The following CLPTM1L variants were observed in gnomAD, a reference collection of about 807,000 sequenced individuals.
CLPTM1L encodes CLPTM1 like, also known as lipid scramblase CLPTM1L.
CLPTM1L carries 38 observed loss-of-function variants against 70.9 expected under a neutral mutation model. The ratio of observed to expected loss-of-function variants is 0.54; its 90% CI spans 0.41 to 0.70. The LOEUF (loss-of-function observed/expected upper bound fraction) is 0.70. CLPTM1L is among the 30% of genes least tolerant of loss of function. The pLI, the probability that CLPTM1L is intolerant of heterozygous loss-of-function variation, is 0.00. For missense variants in CLPTM1L, 652 were observed against 705.9 expected, an observed-to-expected ratio of 0.92 and a Z score of 0.87; for synonymous variants, 339 against 299.9, an observed-to-expected ratio of 1.13 and a Z score of -1.35.
chr5:1,334,747 C>G (rs989204881), intron 6 of CLPTM1L, among the ~76,000 whole-genome samples: 2 of 148,596 alleles, frequency 1.3e-5, no homozygotes, highest in Non-Finnish European at 3.0e-5. Flanking sequence ...GAGCGAGACT[C>G]TGTCTCAAAA....
At chr5:1,321,256 G>A (rs1249825054) in intron 15 of CLPTM1L, among the ~76,000 whole-genome samples, 1 of 152,284 alleles carries the variant, frequency 6.6e-6, no homozygotes, top group East Asian at 1.9e-4. Context: ...AGCTCTGCCA[G>A]CGGGGAATGG....
chr5:1,320,515 T>C (rs1752086362), intron 16 of CLPTM1L, 101 bp downstream of exon 16: 3 of 593,356 alleles, frequency 5.1e-6, no homozygotes, highest in South Asian at 3.1e-5. Context: ...TTCCCTCAAA[T>C]GGATAAACAG....
intron 3 of CLPTM1L, among the ~76,000 whole-genome samples, chr5:1,340,431 C>T (rs578107414): frequency 2.5e-4 from 38 of 152,312 alleles, no homozygotes; most frequent in African/African-American, 8.9e-4. Flanking sequence ...GAAGCACTAT[C>T]GCCTCACCCA....
At chr5:1,324,295 T>C (rs1160439622) in intron 11 of CLPTM1L, among the ~76,000 whole-genome samples, 1 of 152,186 alleles carries the variant, frequency 6.6e-6, no homozygotes, top group Non-Finnish European at 1.5e-5. Flanking sequence ...CAAACTAAAA[T>C]CATCTGTGCA....
chr5:1,322,723 G>A lies in CLPTM1L; in HGVS notation c.1315+154C>T, dbSNP rs1030842459. On this transcript the variant is annotated intron_variant, in intron 13 of 16. Transcript: ENST00000320895. Reference sequence around the variant, plus strand: ...GCTTTATCTGCTCACAGCCTGGGGGGAGCCCTGGGCACCGCACATGTGCCA... The same window carrying A: ...GCTTTATCTGCTCACAGCCTGGGGGAAGCCCTGGGCACCGCACATGTGCCA... 2.0e-4 allele frequency: 155 copies of A among 760,208 alleles called. No individual in the cohort carries two copies. The Middle Eastern group carries it at 3.8e-3, about 18-fold the overall frequency. The allele number at this position is 760,208 out of a possible 1,614,324, so 47.1% of individuals were successfully genotyped here.
intron 10 of CLPTM1L, chr5:1,325,333 G>A (rs1429027929): frequency 3.9e-6 from 1 of 254,636 alleles, no homozygotes; most frequent in Non-Finnish European, 7.5e-6. Context: ...CTGCCTAGGG[G>A]CCTTATGGGC....
chr5:1,327,556 G>A (rs567376588), intron 9 of CLPTM1L, among the ~76,000 whole-genome samples: 8 of 147,324 alleles, frequency 5.4e-5, no homozygotes, highest in African/African-American at 2.0e-4. Context: ...ATTCCATCCA[G>A]CTCCTGCTCT....
At chr5:1,334,206 C>G in intron 7 of CLPTM1L, 83 bp downstream of exon 7, 2 of 983,526 alleles carry the variant, frequency 2.0e-6, no homozygotes, top group South Asian at 1.4e-5. Flanking sequence ...CCCACAAACC[C>G]CAGGTCCAGG....
intron 7 of CLPTM1L, 90 bp from the exon 8 acceptor site, chr5:1,331,973 G>C: frequency 1.9e-6 from 2 of 1,030,768 alleles, no homozygotes; most frequent in Non-Finnish European, 3.0e-6. Context: ...GTGACCGTGA[G>C]ACTGCAGGTG....
chr5:1,327,656 A>C (rs71595021), intron 9 of CLPTM1L, among the ~76,000 whole-genome samples: 2 of 148,618 alleles, frequency 1.3e-5, no homozygotes, highest in African/African-American at 2.5e-5. Flanking sequence ...CCTCCTCTAC[A>C]GACACATTTC....
At chr5:1,333,426 G>A (rs1753288873) in intron 7 of CLPTM1L, among the ~76,000 whole-genome samples, 2 of 131,218 alleles carry the variant, frequency 1.5e-5, no homozygotes, top group Admixed American at 9.0e-5. Context: ...CACGGGATGA[G>A]GATAAGGGGG....
chr5:1,330,676 C>T (rs911244099), intron 8 of CLPTM1L: 3 of 429,922 alleles, frequency 7.0e-6, no homozygotes, highest in Non-Finnish European at 1.3e-5. Flanking sequence ...GATGACGGGG[C>T]CAGCACAGCT....
rs1310441726 is a variant in CLPTM1L, at chr5:1,335,157, G to T, written c.696C>A (p.Thr232=). ...VKDLMVINRS[T]TELPLTVSYD... ...AGGACACGGTGAGGGGCAGCTCGGT[G>T]GTGGAGCGGTTTATGACCTGATGAA... Residue 232 remains threonine (T), a synonymous_variant, in exon 6 of 17, where the codon ACC becomes ACA. Coordinates refer to ENST00000320895, the MANE Select transcript of CLPTM1L (RefSeq NM_030782.5). The T allele has an allele frequency of 3.1e-6, 5 of 1,613,508 alleles. No individual in the cohort carries two copies. The highest frequency in any genetic ancestry group is 3.3e-5 in the Admixed American group (2 of 60,016).
At chr5:1,343,825 T>C (rs1027303209) in intron 2 of CLPTM1L, among the ~76,000 whole-genome samples, 4 of 152,248 alleles carry the variant, frequency 2.6e-5, no homozygotes, top group African/African-American at 9.6e-5. Context: ...TTTAAAAGTA[T>C]ACTTATTCAA....
intron 5 of CLPTM1L, among the ~76,000 whole-genome samples, chr5:1,336,415 C>T (rs544194354): frequency 7.9e-5 from 12 of 152,370 alleles, no homozygotes; most frequent in Non-Finnish European, 1.6e-4. Context: ...GGCACAGCTG[C>T]GCCGCAAAGC....
At chr5:1,335,223 C>T in intron 5 of CLPTM1L, 49 bp from the exon 6 acceptor site, 1 of 1,500,682 alleles carries the variant, frequency 6.7e-7, no homozygotes, top group Non-Finnish European at 9.2e-7. Flanking sequence ...CCCTTGCACC[C>T]AGCTGCCTGG....
At position 1,324,781 on chromosome 5, in the gene CLPTM1L, G is replaced by C. The variant is rs776842767; in HGVS notation, c.1179C>G (p.Thr393=). Residue 393 remains threonine, a synonymous_variant, in exon 11 of 17, where the codon ACC becomes ACG. Coordinates refer to ENST00000320895, the MANE Select transcript of CLPTM1L (RefSeq NM_030782.5). ...FGTYSESERK[T]EEYDTQAMKY... ...GACTTACCTGAGTATCGTACTCCTCGGTTTTCCTCTCAGATTCGCTGTAAG... is the reference window on the plus strand; with the variant it reads ...GACTTACCTGAGTATCGTACTCCTCCGTTTTCCTCTCAGATTCGCTGTAAG... The C allele has an allele frequency of 6.2e-7, 1 of 1,614,050 alleles. No individual in the cohort carries two copies. The highest frequency in any genetic ancestry group is 8.5e-7 in the Non-Finnish European group (1 of 1,179,948).
rs753381563 is a variant in CLPTM1L at position 1,338,875 on chromosome 5, T to C, written c.584A>G (p.His195Arg). 1.2e-6 allele frequency: 2 copies of C among 1,613,164 alleles called. No individual in the cohort carries two copies. Residue 195 changes from histidine to arginine, a missense_variant, in exon 4 of 17, where the codon CAT becomes CGT. By Grantham distance (29) the His-to-Arg change is conservative. Transcript: ENST00000320895. Reference protein sequence around the residue: ...FDGSSLPADVHRYMKMIQLGK... With the variant: ...FDGSSLPADVRRYMKMIQLGK... Reference sequence around the variant, plus strand: ...CCCCACTTACATCTTCATGTACCGATGCACATCGGCAGGCAGGGAGGACCC... The same window carrying C: ...CCCCACTTACATCTTCATGTACCGACGCACATCGGCAGGCAGGGAGGACCC...
chr5:1,319,484 G>A (rs184393672), intron 16 of CLPTM1L, among the ~76,000 whole-genome samples: 1 of 152,360 alleles, frequency 6.6e-6, no homozygotes, highest in East Asian at 1.9e-4. Flanking sequence ...GCCTCATGCT[G>A]GCTGGGACAG....
Sources: allele counts gnomAD v4.1 joint callset (sites outside exome capture counted in the v4.1 genomes callset), GRCh38; gene constraint gnomAD v4.1.1; transcripts MANE v1.5; gene names NCBI Gene and HGNC (gene_info 2026-07-23, HGNC 2026-07-21).